The following ZC3H18 variants were observed in gnomAD, a reference collection of about 807,000 sequenced individuals.
ZC3H18 encodes zinc finger CCCH domain-containing protein 18.
ZC3H18 carries 8 observed loss-of-function variants against 106.1 expected under a neutral mutation model. That is an observed-to-expected ratio of 0.08 (90% CI 0.04 to 0.14). ZC3H18 has a LOEUF of 0.14. Among genes scored for constraint, ZC3H18 ranks in the 10% least tolerant of loss-of-function variants. The pLI, the probability that ZC3H18 is intolerant of heterozygous loss-of-function variation, is 1.00. For missense variants in ZC3H18, 1,318 were observed against 1,278.4 expected (o/e 1.03, Z -0.47); for synonymous variants, 635 against 522.1 (o/e 1.22, Z -2.95).
intron 5 of ZC3H18, 27 bp from the exon 6 acceptor site, chr16:88,599,764 T>G (rs772204891): frequency 6.3e-7 from 1 of 1,598,628 alleles, no homozygotes; most frequent in African/African-American, 1.4e-5. Context: ...CTGTTCCATG[T>G]TGACTTCTTT....
intron 13 of ZC3H18, chr16:88,625,631 C>G (rs1459063522): frequency 3.8e-6 from 1 of 264,794 alleles, no homozygotes; most frequent in Non-Finnish European, 7.3e-6. Context: ...CCTGCGTGAC[C>G]TATCACACCT....
At chr16:88,626,049 C>G in intron 13 of ZC3H18, 1 of 152,122 alleles carries the variant, frequency 6.6e-6, no homozygotes, top group African/African-American at 2.4e-5. Context: ...TCTCAAACTC[C>G]TGAGCTCAGG....
chr16:88,583,099 C>A (rs777209575), intron 2 of ZC3H18, among the ~76,000 whole-genome samples: 1 of 152,242 alleles, frequency 6.6e-6, no homozygotes, highest in African/African-American at 2.4e-5. Context: ...GGCCCGGCTG[C>A]TCGGCTTCCT....
intron 6 of ZC3H18, among the ~76,000 whole-genome samples, chr16:88,607,965 T>C (rs1473142837): frequency 6.6e-6 from 1 of 152,230 alleles, no homozygotes; most frequent in Non-Finnish European, 1.5e-5. Flanking sequence ...TTCTTGCTAT[T>C]GTAAATGCGG....
chr16:88,593,303 C>CGGTT (rs944725770), intron 3 of ZC3H18, among the ~76,000 whole-genome samples: 3 of 152,176 alleles, frequency 2.0e-5, no homozygotes, highest in African/African-American at 7.2e-5. Flanking sequence ...GTACCCCCAA[C>CGGTT]GGTTGTTGGC....
At chr16:88,579,021 C>T (rs953764426) in intron 2 of ZC3H18, among the ~76,000 whole-genome samples, 4 of 152,084 alleles carry the variant, frequency 2.6e-5, no homozygotes, top group Admixed American at 6.5e-5. Context: ...TGCTGGCGTG[C>T]GTGCTCTCAA....
chr16:88,582,391 AT>A (rs2142561452), intron 2 of ZC3H18, among the ~76,000 whole-genome samples: 1 of 151,696 alleles, frequency 6.6e-6, no homozygotes, highest in Non-Finnish European at 1.5e-5. Flanking sequence ...CGGCCAGCTG[AT>A]TTTTGTATTT....
At chr16:88,613,794 G>T (rs1348147044) in intron 8 of ZC3H18, among the ~76,000 whole-genome samples, 1 of 152,132 alleles carries the variant, frequency 6.6e-6, no homozygotes, top group Non-Finnish European at 1.5e-5. Context: ...TTATGGTTTT[G>T]GTGTCATGTA....
At chr16:88,589,619 TGAA>T (rs1252396564) in intron 3 of ZC3H18, among the ~76,000 whole-genome samples, 1 of 150,442 alleles carries the variant, frequency 6.6e-6, no homozygotes, top group Non-Finnish European at 1.5e-5. Flanking sequence ...GGACGAGCCT[TGAA>T]GACGTGCTGA....
intron 2 of ZC3H18, among the ~76,000 whole-genome samples, chr16:88,583,935 G>A (rs1213413150): frequency 3.3e-5 from 5 of 152,144 alleles, no homozygotes; most frequent in Non-Finnish European, 5.9e-5. Context: ...CAGGAGACCC[G>A]GAGTTCCTGC....
intron 4 of ZC3H18, 114 bp downstream of exon 4, chr16:88,598,440 C>G: frequency 6.7e-7 from 1 of 1,501,342 alleles, no homozygotes; most frequent in South Asian, 1.3e-5. Flanking sequence ...CCCCTTTCGG[C>G]TGCTTCTGTC....
At position 88,623,212 on chromosome 16, in the gene ZC3H18, G is replaced by T. The variant is rs200091193; in HGVS notation, c.1668-7G>T. 12 of 1,611,302 alleles carry T rather than the reference G, an allele frequency of 7.4e-6. No homozygotes were observed. Among genetic ancestry groups the T allele is most frequent in the Non-Finnish European group, 1.0e-5 (12 of 1,179,612 alleles). The stretch of plus-strand genomic sequence containing the variant: ...CTTCTCGCCACGCTCCGTCCCGCCC[G>T]CCCCAGGTCGTCTTCGCGGTCATCG... On this transcript the variant is annotated splice_region_variant and splice_polypyrimidine_tract_variant and intron_variant, in intron 9 of 17. Coordinates refer to ENST00000301011, the MANE Select transcript of ZC3H18 (RefSeq NM_144604.4).
rs967963377 is a variant in ZC3H18 at position 88,570,468 on chromosome 16, G to A, written c.-113G>A. On this transcript the variant is annotated 5_prime_UTR_variant, in exon 1 of 18. Coordinates refer to ENST00000301011, the MANE Select transcript of ZC3H18 (RefSeq NM_144604.4). ...GTTTGTTCCGCCCGTGTCGAGCCTG[G>A]AGCCAGAACCTGTGAAGAGCGGAAG... The A allele has an allele frequency of 6.6e-6, 1 of 151,942 alleles. No homozygotes were observed. The highest frequency in any genetic ancestry group is 1.5e-5 in the Non-Finnish European group (1 of 68,002). 9.4% of individuals were successfully genotyped at this position (151,942 alleles called of 1,614,324 possible). A position where few individuals can be genotyped will look rare whatever the true frequency, so the allele number is the denominator to read the frequency against.
At position 88,628,814 on chromosome 16, in the gene ZC3H18, C is replaced by CTCTGCCTGT; in HGVS notation, c.2526_2527insTCTGCCTGT (p.Ser842_Pro843insSerAlaCys). ...AACCATCAGACAAGGACAGGCAGAG[C>CTCTGCCTGT]CCTCCTCCAGCCAAGCGGCCCAACA... On this transcript the variant is annotated inframe_insertion, in exon 16 of 18. Transcript: ENST00000301011. 1 of 1,614,092 alleles carries CTCTGCCTGT rather than the reference C, an allele frequency of 6.2e-7. No homozygotes were observed. Among genetic ancestry groups the CTCTGCCTGT allele is most frequent in the Non-Finnish European group, 8.5e-7 (1 of 1,179,972 alleles).
chr16:88,625,527 C>T, intron 13 of ZC3H18: 1 of 508,306 alleles, frequency 2.0e-6, no homozygotes, highest in South Asian at 2.1e-5. Context: ...GAGGAGGTGC[C>T]TCTGCCCTGC....
intron 1 of ZC3H18, among the ~76,000 whole-genome samples, chr16:88,573,978 A>T (rs768488938): frequency 2.0e-5 from 3 of 151,710 alleles, no homozygotes; most frequent in Admixed American, 2.0e-4. Context: ...AGTTCAAGCA[A>T]TTCTCCTGCC....
Position 88,631,757 on chromosome 16 carries a change from G to A in ZC3H18, c.*458G>A, listed in dbSNP as rs556337855. ...CCCCGCCCCTGATCACCCGCCCCCG[G>A]ATCAGAAATATATCTATATTCTCGA... On this transcript the variant is annotated 3_prime_UTR_variant, in exon 18 of 18. Coordinates refer to ENST00000301011, the MANE Select transcript of ZC3H18 (RefSeq NM_144604.4). The A allele has an allele frequency of 5.0e-5, 18 of 362,970 alleles. No individual in the cohort carries two copies. The highest frequency in any genetic ancestry group is 3.7e-4 in the African/African-American group (17 of 46,438). 22.5% of individuals were successfully genotyped at this position (362,970 alleles called of 1,614,324 possible).
At chr16:88,579,512 C>A (rs770565080) in intron 2 of ZC3H18, among the ~76,000 whole-genome samples, 1 of 152,154 alleles carries the variant, frequency 6.6e-6, no homozygotes, top group Non-Finnish European at 1.5e-5. Context: ...GTCTGTGGAG[C>A]ATACTGTGAG....
chr16:88,603,365 A>C lies in ZC3H18; in HGVS notation c.1088+3417A>C, dbSNP rs1227664203. ...GCCGGGCACGGTGGCTCACGCCTGT[A>C]ATCCCAGCACTTTGGGAGGCCAAAG... On this transcript the variant is annotated intron_variant, in intron 6 of 17. Transcript: ENST00000301011. 5.9e-5 allele frequency among the ~76,000 whole-genome samples: 9 copies of C among 151,480 alleles called. 1 individual carries two copies. In the South Asian group the frequency reaches 6.3e-4, roughly 11 times the overall value.
Sources: gnomAD v4.1 joint callset for allele counts (sites outside exome capture counted in the v4.1 genomes callset) on GRCh38, gnomAD v4.1.1 for gene constraint, MANE v1.5 for transcripts, NCBI Gene and HGNC (gene_info 2026-07-23, HGNC 2026-07-21) for gene names.